Variants in NREP observed in about 807,000 individuals in gnomAD.
The protein encoded by NREP is neuronal regeneration related protein.
In NREP, 5 loss-of-function variants were observed where a neutral mutation model predicts 8.6. The ratio of observed to expected loss-of-function variants is 0.58; its 90% CI spans 0.30 to 1.22. The LOEUF is 1.22. NREP is among the 50% of genes most tolerant of loss of function. The pLI is 0.07. For missense variants in NREP, 86 were observed against 82.5 expected, an observed-to-expected ratio of 1.04 and a Z score of -0.17; for synonymous variants, 27 against 28.0, an observed-to-expected ratio of 0.96 and a Z score of 0.11.
At chr5:111,787,166 C>A (rs1313132962) in intron 2 of NREP, among the ~76,000 whole-genome samples, 1 of 152,176 alleles carries the variant, frequency 6.6e-6, no homozygotes, top group Non-Finnish European at 1.5e-5. Context: ...CACATCCCAA[C>A]AGGTTGTATT....
intron 2 of NREP, among the ~76,000 whole-genome samples, chr5:111,917,535 G>C (rs927795933): frequency 2.0e-5 from 3 of 152,026 alleles, no homozygotes; most frequent in African/African-American, 7.2e-5. Context: ...TTCCTCCCTG[G>C]GATGCAAGTC....
intron 2 of NREP, among the ~76,000 whole-genome samples, chr5:111,838,873 G>A (rs1390135114): frequency 2.0e-5 from 3 of 151,912 alleles, no homozygotes; most frequent in East Asian, 3.9e-4. Context: ...ATACACAGAT[G>A]AGCTCTAAAG....
intron 2 of NREP, among the ~76,000 whole-genome samples, chr5:111,935,883 G>T (rs1233562347): frequency 6.6e-6 from 1 of 152,122 alleles, no homozygotes; most frequent in South Asian, 2.1e-4. Flanking sequence ...TTAAACAATA[G>T]AAATTTATTC....
At chr5:111,790,325 C>T (rs191031978) in intron 2 of NREP, among the ~76,000 whole-genome samples, 1 of 139,608 alleles carries the variant, frequency 7.2e-6, no homozygotes, top group Non-Finnish European at 1.5e-5. Context: ...GGAATCTTCA[C>T]CCTATACTTC....
Position 111,885,666 on chromosome 5 carries a change from C to T in NREP, c.135+89608G>A, listed in dbSNP as rs1037301163. 1.8e-3 allele frequency among the ~76,000 whole-genome samples: 280 copies of T among 152,024 alleles called. 1 individual carries two copies. The highest frequency in any genetic ancestry group is 6.4e-3 in the African/African-American group (266 of 41,466). Reference sequence around the variant, plus strand: ...AGAACAGAGCCCTCAGAAATAATGCCGCATATCTTCAACTATCTGATCTTT... The same window carrying T: ...AGAACAGAGCCCTCAGAAATAATGCTGCATATCTTCAACTATCTGATCTTT... On this transcript the variant is annotated intron_variant, in intron 2 of 3. Coordinates refer to the NREP transcript ENST00000395634.
In NREP at chr5:111,730,608, C is replaced by A. The variant is rs1339119849; in HGVS notation, c.*313G>T. The stretch of plus-strand genomic sequence containing the variant: ...TGTGAGTGAAAAGGCAGGAGTGGAC[C>A]GGTTGTGTGAGCGCGGTGGGAGTTT... On this transcript the variant is annotated 3_prime_UTR_variant, in exon 4 of 4. Coordinates refer to ENST00000257435, the MANE Select transcript of NREP (RefSeq NM_004772.4). The A allele has an allele frequency of 1.3e-5, 3 of 224,876 alleles. No homozygotes were observed. Among genetic ancestry groups the A allele is most frequent in the Middle Eastern group, 1.5e-3 (1 of 656 alleles). The allele number at this position is 224,876 out of a possible 1,614,324, so 13.9% of individuals were successfully genotyped here. A position where few individuals can be genotyped will look rare whatever the true frequency, so the allele number is the denominator to read the frequency against.
At chr5:111,833,508 T>A (rs1752823182) in intron 2 of NREP, among the ~76,000 whole-genome samples, 1 of 152,174 alleles carries the variant, frequency 6.6e-6, no homozygotes, top group South Asian at 2.1e-4. Flanking sequence ...GATTAATGCC[T>A]CAGGCCAAGC....
At position 111,871,053 on chromosome 5, in the gene NREP, C is replaced by CGTGTGTGTGTGTGT. The variant is rs34667486; in HGVS notation, c.135+104207_135+104220dup. Among the ~76,000 whole-genome samples, 551 of 142,692 alleles carry CGTGTGTGTGTGTGT rather than the reference C, an allele frequency of 3.9e-3. 3 individuals are homozygous for CGTGTGTGTGTGTGT. The highest frequency in any genetic ancestry group is 9.4e-3 in the East Asian group (45 of 4,778). The allele number at this position is 142,692 out of a possible 152,430, so 93.6% of individuals were successfully genotyped here. A position where few individuals can be genotyped will look rare whatever the true frequency, so the allele number is the denominator to read the frequency against. Reference sequence around the variant, plus strand: ...TTCTCTAGAAAAACAGAACCAATGGCGTGTGTGTGTGTGTGTGTGTGTGTG... The same window carrying CGTGTGTGTGTGTGT: ...TTCTCTAGAAAAACAGAACCAATGGCGTGTGTGTGTGTGTGTGTGTGTGTGTGTGTGTGTGTGTG... On this transcript the variant is annotated intron_variant, in intron 2 of 3. Coordinates refer to the NREP transcript ENST00000395634.
intron 2 of NREP, among the ~76,000 whole-genome samples, chr5:111,823,718 ATTTC>A (rs1752560433): frequency 6.6e-6 from 1 of 152,212 alleles, no homozygotes; most frequent in African/African-American, 2.4e-5. Context: ...GGGTTTCAAA[ATTTC>A]ACTAAATTCT....
At chr5:111,783,840 A>C (rs1259670777) in intron 2 of NREP, among the ~76,000 whole-genome samples, 1 of 152,214 alleles carries the variant, frequency 6.6e-6, no homozygotes, top group African/African-American at 2.4e-5. Context: ...TGGCGTGTTT[A>C]AATGAATGAA....
At chr5:111,918,324 A>G (rs1755123427) in intron 2 of NREP, among the ~76,000 whole-genome samples, 1 of 152,162 alleles carries the variant, frequency 6.6e-6, no homozygotes, top group Non-Finnish European at 1.5e-5. Context: ...TCAAACTACC[A>G]CTGACTTTCC....
In NREP at chr5:111,777,336, T is replaced by G. The variant is rs375757356; in HGVS notation, c.136-41829A>C. ...GAATGTTTATGTTTGCTACAGTGTG[T>G]GGTGTGGGTGTGTGTGTGAGTGTGT... On this transcript the variant is annotated intron_variant, in intron 2 of 3. Coordinates refer to the NREP transcript ENST00000395634. Among the ~76,000 whole-genome samples, 4 of 150,116 alleles carry G rather than the reference T, an allele frequency of 2.7e-5. No homozygotes were observed. The East Asian group carries it at 5.9e-4, about 22-fold the overall frequency.
chr5:111,777,293 G>T (rs532350959), intron 2 of NREP, among the ~76,000 whole-genome samples: 3 of 151,860 alleles, frequency 2.0e-5, no homozygotes, highest in Non-Finnish European at 2.9e-5. Flanking sequence ...TTTAATTCTC[G>T]CAAGGAACTC....
chr5:111,734,734 C>T, intron 3 of NREP: 2 of 700,112 alleles, frequency 2.9e-6, no homozygotes. Flanking sequence ...TTCTGTTTTT[C>T]TTTCTTAACT....
chr5:111,935,706 C>T (rs991860138), intron 2 of NREP, among the ~76,000 whole-genome samples: 4 of 152,052 alleles, frequency 2.6e-5, no homozygotes, highest in African/African-American at 4.8e-5. Context: ...AAAATTGTAA[C>T]GTCCACTCCT....
intron 2 of NREP, among the ~76,000 whole-genome samples, chr5:111,812,595 AT>A (rs890361606): frequency 3.9e-5 from 6 of 152,224 alleles, no homozygotes; most frequent in Non-Finnish European, 8.8e-5. Flanking sequence ...AGATTTTTAA[AT>A]TTTACCAAAA....
chr5:111,738,877 C>A (rs1749397382), intron 2 of NREP: 1 of 152,136 alleles, frequency 6.6e-6, no homozygotes, highest in Non-Finnish European at 1.5e-5. Context: ...GACCCATGTC[C>A]TTCTAAGAAG....
intron 2 of NREP, among the ~76,000 whole-genome samples, chr5:111,881,231 A>G (rs1754057460): frequency 1.3e-5 from 2 of 152,206 alleles, no homozygotes; most frequent in Non-Finnish European, 2.9e-5. Context: ...TTGCTAGCAC[A>G]GCAGTCTGAG....
chr5:111,976,073 G>T (rs1184577703), intron 1 of NREP, among the ~76,000 whole-genome samples: 1 of 152,014 alleles, frequency 6.6e-6, no homozygotes. Flanking sequence ...TAACTATGTT[G>T]TATCAGGATT....
Sources: gnomAD v4.1 joint callset for allele counts (sites outside exome capture counted in the v4.1 genomes callset) on GRCh38, gnomAD v4.1.1 for gene constraint, MANE v1.5 for transcripts, NCBI Gene and HGNC (gene_info 2026-07-23, HGNC 2026-07-21) for gene names.